PC: variants seen among roughly 807,000 people sequenced by gnomAD.
The protein encoded by PC is pyruvate carboxylase, also known as pyruvate carboxylase, mitochondrial.
In PC, 46 loss-of-function variants were observed where a neutral mutation model predicts 107.8. That is an observed-to-expected ratio of 0.43 (90% CI 0.34 to 0.55). The LOEUF is 0.55. PC is among the 20% of genes least tolerant of loss of function. PC has a pLI of 0.04. For synonymous variants in PC, 662 were observed against 684.7 expected, an observed-to-expected ratio of 0.97 and a Z score of 0.52; for missense variants, 1,241 against 1,643.1, an observed-to-expected ratio of 0.76 and a Z score of 4.23.
rs183615907 is a variant in PC, at chr11:66,934,035, C to T, written c.-1+18395G>A. Among the ~76,000 whole-genome samples the T allele has an allele frequency of 6.3e-3, 955 of 152,286 alleles. 5 individuals carry two copies. The highest frequency in any genetic ancestry group is 8.9e-3 in the Non-Finnish European group (606 of 68,016). On this transcript the variant is annotated intron_variant, in intron 3 of 22. Coordinates refer to ENST00000393960, the MANE Select transcript of PC (RefSeq NM_001040716.2). ...ATGCAGGCACAACCTCCACCCTTGC[C>T]GGCTTCCCACTGCCTTCCTCCACGC...
chr11:66,893,339 G>GA (rs1237136442), intron 3 of PC, among the ~76,000 whole-genome samples: 1 of 152,206 alleles, frequency 6.6e-6, no homozygotes, highest in Non-Finnish European at 1.5e-5. Context: ...AATCCCAGAA[G>GA]GGCCCAGAGA....
rs137879213 is a variant in PC at position 66,868,886 on chromosome 11, G to A, written c.982C>T (p.Arg328Cys). Residue 328 changes from arginine to cysteine, a missense_variant, in exon 10 of 23, where the codon CGC becomes TGC. Transcript: ENST00000393960. ...GKHYFIEVNS[R>C]LQVEHTVTEE... ...GTGACCGTGTGCTCCACCTGCAGGC[G>A]GGAGTTGACCTCGATGAAGTAGTGC... is the stretch of plus-strand genomic sequence containing the variant. The A allele has an allele frequency of 4.3e-6, 7 of 1,613,850 alleles. No homozygotes were observed. The highest frequency in any genetic ancestry group is 5.1e-6 in the Non-Finnish European group (6 of 1,179,972).
intron 3 of PC, among the ~76,000 whole-genome samples, chr11:66,943,755 CAAAAAAAAAAA>C (rs34245785): frequency 0.012 from 211 of 17,578 alleles, 1 homozygote; most frequent in African/African-American, 0.04. Context: ...GACTCCGGCT[CAAAAAAAAAAA>C]AAAAAAAAAA....
chr11:66,891,004 G>C (rs1030597567), intron 3 of PC, among the ~76,000 whole-genome samples: 1 of 152,032 alleles, frequency 6.6e-6, no homozygotes, highest in Non-Finnish European at 1.5e-5. Context: ...AATTTCTCTA[G>C]GACATATACC....
At chr11:66,869,820 AC>A (rs1350194072) in intron 9 of PC, among the ~76,000 whole-genome samples, 1 of 151,768 alleles carries the variant, frequency 6.6e-6, no homozygotes, top group Non-Finnish European at 1.5e-5. Context: ...ACAGCCCAGG[AC>A]CCCCCGACCA....
rs1197498878 is a variant in PC, at chr11:66,871,997, C to A, written c.136+27G>T. ...CCAAGGCTGGGGCGGCCATGAGGCT[C>A]CTCTCACCGGCCCCACTGGTGCTCA... On this transcript the variant is annotated intron_variant, in intron 4 of 22. Transcript: ENST00000393960. The surrounding 1 kb of genome is among the most constrained non-coding windows in gnomAD (Gnocchi z 7.4). The A allele has an allele frequency of 1.3e-6, 2 of 1,557,288 alleles. No homozygotes were observed. The highest frequency in any genetic ancestry group is 1.7e-4 in the Middle Eastern group (1 of 5,990).
intron 12 of PC, chr11:66,859,967 C>G (rs768799523): frequency 5.0e-6 from 8 of 1,601,606 alleles, no homozygotes; most frequent in Non-Finnish European, 6.8e-6. Context: ...AGTCCCAGAC[C>G]AATGGAGGCC....
In PC at chr11:66,853,398, C is replaced by G; in HGVS notation, c.1369-15G>C. 2 of 1,490,708 alleles carry G rather than the reference C, an allele frequency of 1.3e-6. No individual in the cohort carries two copies. The highest frequency in any genetic ancestry group is 1.8e-6 in the Non-Finnish European group (2 of 1,096,662). 92.3% of individuals were successfully genotyped at this position (1,490,708 alleles called of 1,614,324 possible). A position where few individuals can be genotyped will look rare whatever the true frequency, so the allele number is the denominator to read the frequency against. On this transcript the variant is annotated splice_polypyrimidine_tract_variant and intron_variant, in intron 12 of 22. Transcript: ENST00000393960. ...GCGATGTTGGTCTGCAGGACAGAGG[C>G]GGGTGGGAGGGGGTCACCATGCAGC...
chr11:66,909,323 T>C (rs1279535080), intron 3 of PC, among the ~76,000 whole-genome samples: 1 of 152,164 alleles, frequency 6.6e-6, no homozygotes, highest in Non-Finnish European at 1.5e-5. Context: ...AGGAGTGCCA[T>C]TCACAGTGAC....
At chr11:66,953,125 T>A (rs1420994927) in intron 2 of PC, among the ~76,000 whole-genome samples, 1 of 152,202 alleles carries the variant, frequency 6.6e-6, no homozygotes, top group Non-Finnish European at 1.5e-5. Flanking sequence ...GGGAAGCGCT[T>A]AAGTAAAACC....
At chr11:66,913,020 A>C (rs1462207762) in intron 3 of PC, among the ~76,000 whole-genome samples, 1 of 152,178 alleles carries the variant, frequency 6.6e-6, no homozygotes, top group Non-Finnish European at 1.5e-5. Flanking sequence ...GCTGGCTCAA[A>C]GCCCATTCCT....
chr11:66,934,158 C>T (rs1258227434), intron 3 of PC, among the ~76,000 whole-genome samples: 2 of 152,130 alleles, frequency 1.3e-5, no homozygotes, highest in African/African-American at 4.8e-5. Context: ...AAATATCACA[C>T]ATGCGAGGAC....
rs556135065 is a variant in PC, at chr11:66,853,582, G to A, written c.1369-199C>T. The stretch of plus-strand genomic sequence containing the variant: ...AGCCCCCTAAGCTGTCACGGGCTGG[G>A]CCTGCTCCCTCCATACTTGTTTACA... On this transcript the variant is annotated intron_variant, in intron 12 of 22. Transcript: ENST00000393960. Among the ~76,000 whole-genome samples, 7 of 152,296 alleles carry A rather than the reference G, an allele frequency of 4.6e-5. No individual in the cohort carries two copies. The South Asian group carries it at 1.2e-3, about 27-fold the overall frequency.
rs119103241 is a variant in PC, at chr11:66,871,335, C to T, written c.467G>A (p.Arg156Gln). 9.9e-6 allele frequency: 16 copies of T among 1,613,838 alleles called. No individual in the cohort carries two copies. Among genetic ancestry groups the T allele is most frequent in the African/African-American group, 1.3e-5 (1 of 74,942 alleles). ...TTCACCCGCAGCAATGGCGATGGCC[C>T]GGGCCTCCACCTTGTCTCCCATCTT... ...VRKMGDKVEA[R>Q]AIAIAAGVPV... The change falls in exon 6 of 23, where the codon CGG becomes CAG. Residue 156 changes from arginine to glutamine, a missense_variant. Physicochemically the swap from Arg to Gln is conservative, Grantham distance 43. Around this residue, in one of 2 missense-constraint regions of PC, gnomAD observed 1,143 missense variants for 1,551.9 expected, o/e 0.74. Coordinates refer to ENST00000393960, the MANE Select transcript of PC (RefSeq NM_001040716.2). This position sits in a 1 kb window ranked among gnomAD's most constrained non-coding sequence, Gnocchi z 7.4.
At chr11:66,924,217 A>G (rs1184299580) in intron 3 of PC, among the ~76,000 whole-genome samples, 4 of 150,540 alleles carry the variant, frequency 2.7e-5, no homozygotes, top group Non-Finnish European at 5.9e-5. Context: ...AAAAAAAAAA[A>G]AGAAAGAAAG....
rs1270063307 is a variant in PC at position 66,954,416 on chromosome 11, A to C, written c.-207T>G. ...GCCCGACTCCTTTGGCAAAGTGTCCACAGGTGAGACTAGAAGGCAGCTAAG... is the reference window on the plus strand; with the variant it reads ...GCCCGACTCCTTTGGCAAAGTGTCCCCAGGTGAGACTAGAAGGCAGCTAAG... On this transcript the variant is annotated 5_prime_UTR_variant, in exon 2 of 23. Transcript: ENST00000393960. The C allele has an allele frequency of 6.6e-6, 1 of 152,308 alleles. No individual in the cohort carries two copies. The highest frequency in any genetic ancestry group is 1.9e-4 in the East Asian group (1 of 5,198). 9.4% of individuals were successfully genotyped at this position (152,308 alleles called of 1,614,324 possible).
At chr11:66,886,945 C>CT (rs1018132868) in intron 3 of PC, among the ~76,000 whole-genome samples, 1 of 152,178 alleles carries the variant, frequency 6.6e-6, no homozygotes, top group Non-Finnish European at 1.5e-5. Flanking sequence ...AGGGTCCTGC[C>CT]TTTGACCACT....
At chr11:66,865,293 G>A (rs954735801) in intron 11 of PC, among the ~76,000 whole-genome samples, 10 of 152,218 alleles carry the variant, frequency 6.6e-5, no homozygotes, top group African/African-American at 1.9e-4. Flanking sequence ...TCCCCTCACC[G>A]CCCCACACAA....
At chr11:66,890,425 A>C (rs1591234227) in intron 3 of PC, among the ~76,000 whole-genome samples, 1 of 134,644 alleles carries the variant, frequency 7.4e-6, no homozygotes. Context: ...ATGGAGTTTC[A>C]CTCTTGTTGC....
Sources: allele counts gnomAD v4.1 joint callset (sites outside exome capture counted in the v4.1 genomes callset), GRCh38; gene constraint gnomAD v4.1.1; regional missense constraint gnomAD v4.1.1; non-coding constraint Gnocchi (gnomAD v3.1); transcripts MANE v1.5; gene names NCBI Gene and HGNC (gene_info 2026-07-23, HGNC 2026-07-21).